Variants in ADGRB3 observed in about 807,000 individuals in gnomAD.
The protein encoded by ADGRB3 is brain-specific angiogenesis inhibitor 3.
ADGRB3 carries 37 observed loss-of-function variants against 193.4 expected under a neutral mutation model. The ratio of observed to expected loss-of-function variants is 0.19; its 90% CI spans 0.15 to 0.25. ADGRB3 has a LOEUF of 0.25. Ranked by LOEUF, ADGRB3 falls within the 10% of genes least tolerant of loss-of-function variation. ADGRB3 has a pLI of 1.00. For missense variants in ADGRB3, 1,637 were observed against 1,852.9 expected (o/e 0.88, Z 2.14); for synonymous variants, 690 against 644.2 (o/e 1.07, Z -1.08).
intron 17 of ADGRB3, among the ~76,000 whole-genome samples, chr6:69,101,057 G>A (rs567638895): frequency 4.9e-4 from 74 of 150,774 alleles, no homozygotes; most frequent in East Asian, 2.0e-3. Flanking sequence ...ATAGGGTAAC[G>A]CATTTCCTAA....
intron 3 of ADGRB3, among the ~76,000 whole-genome samples, chr6:68,818,085 A>G (rs1000121058): frequency 1.3e-5 from 2 of 152,032 alleles, no homozygotes; most frequent in African/African-American, 4.8e-5. Context: ...AGGTTCTTGT[A>G]GCTGGGACCA....
At chr6:68,645,769 T>A (rs1172116114) in intron 3 of ADGRB3, among the ~76,000 whole-genome samples, 1 of 151,680 alleles carries the variant, frequency 6.6e-6, no homozygotes, top group Non-Finnish European at 1.5e-5. Flanking sequence ...GCTTCCAGAG[T>A]TCAAGCGATT....
chr6:69,170,035 GT>G (rs1159833268), intron 17 of ADGRB3, among the ~76,000 whole-genome samples: 1 of 152,088 alleles, frequency 6.6e-6, no homozygotes, highest in Non-Finnish European at 1.5e-5. Flanking sequence ...GTAGTTCTAA[GT>G]ACAATTAATG....
chr6:69,354,277 C>T lies in ADGRB3; in HGVS notation c.3504C>T (p.Pro1168=), dbSNP rs766250190. Residue 1168 remains proline, a synonymous_variant, in exon 27 of 32, where the codon CCC becomes CCT. Coordinates refer to ENST00000370598, the MANE Select transcript of ADGRB3 (RefSeq NM_001704.3). ...GCCGATTGAGAAACTGTCAGGATCC[C>T]ATCAATGCAGATTCTTCGAGTTCGT... ...FRCRLRNCQD[P]INADSSSSFP... 31 of 1,613,994 alleles carry T rather than the reference C, an allele frequency of 1.9e-5. No homozygotes were observed. Among genetic ancestry groups the T allele is most frequent in the Non-Finnish European group, 2.5e-5 (30 of 1,179,940 alleles).
rs9446066 is a variant in ADGRB3 at position 68,906,991 on chromosome 6, G to A, written c.758-23568G>A. Among the ~76,000 whole-genome samples, 1,478 of 151,822 alleles carry A rather than the reference G, an allele frequency of 9.7e-3. 37 individuals carry two copies. The highest frequency in any genetic ancestry group is 0.034 in the African/African-American group (1,404 of 41,456). On this transcript the variant is annotated intron_variant, in intron 3 of 31. Coordinates refer to ENST00000370598, the MANE Select transcript of ADGRB3 (RefSeq NM_001704.3). ...CCTGCCACTTAACTGTGAGACATTA[G>A]GCAAGTTTATTCATCTTTCTAAACC...
intron 13 of ADGRB3, among the ~76,000 whole-genome samples, chr6:69,043,286 A>AAG (rs10632969): frequency 0.38 from 46,457 of 121,104 alleles, 11,850 homozygotes; most frequent in African/African-American, 0.43. Flanking sequence ...GAAAGGAAGA[A>AAG]AGAGAGAAAG....
intron 3 of ADGRB3, among the ~76,000 whole-genome samples, chr6:68,686,635 G>A (rs1764987564): frequency 6.6e-6 from 1 of 152,102 alleles, no homozygotes; most frequent in Non-Finnish European, 1.5e-5. Context: ...AGTCAAAATC[G>A]GGTAAGCTGA....
intron 3 of ADGRB3, among the ~76,000 whole-genome samples, chr6:68,728,498 A>G (rs760590619): frequency 6.6e-6 from 1 of 151,524 alleles, no homozygotes; most frequent in Non-Finnish European, 1.5e-5. Flanking sequence ...TTTAAAAACT[A>G]TTTTTAAAAA....
At chr6:69,187,445 A>G (rs1259860744) in intron 17 of ADGRB3, among the ~76,000 whole-genome samples, 2 of 152,162 alleles carry the variant, frequency 1.3e-5, no homozygotes, top group African/African-American at 2.4e-5. Flanking sequence ...CAGTACTACT[A>G]GACAATAATC....
At chr6:68,941,524 G>T (rs1435334398) in intron 5 of ADGRB3, among the ~76,000 whole-genome samples, 3 of 151,828 alleles carry the variant, frequency 2.0e-5, no homozygotes, top group African/African-American at 7.3e-5. Flanking sequence ...TGCCAATTTA[G>T]CATCTTCCTT....
chr6:69,239,857 G>T (rs1175853547), intron 20 of ADGRB3, among the ~76,000 whole-genome samples: 3 of 151,888 alleles, frequency 2.0e-5, no homozygotes, highest in Non-Finnish European at 2.9e-5. Flanking sequence ...AGAAATGATT[G>T]TCTTTACTAT....
intron 3 of ADGRB3, among the ~76,000 whole-genome samples, chr6:68,915,480 C>T (rs894591019): frequency 6.6e-6 from 1 of 152,136 alleles, no homozygotes; most frequent in African/African-American, 2.4e-5. Flanking sequence ...TAAAATACAA[C>T]AGGAACAATA....
intron 13 of ADGRB3, among the ~76,000 whole-genome samples, chr6:69,021,885 G>A (rs1770281572): frequency 6.6e-6 from 1 of 151,750 alleles, no homozygotes; most frequent in Non-Finnish European, 1.5e-5. Flanking sequence ...GTATATATGT[G>A]TGCATGTACA....
chr6:69,043,288 G>GAA (rs1771128103), intron 13 of ADGRB3, among the ~76,000 whole-genome samples: 5 of 134,378 alleles, frequency 3.7e-5, no homozygotes, highest in Non-Finnish European at 6.3e-5. Flanking sequence ...AAGGAAGAAA[G>GAA]AGAGAAAGAA....
At chr6:68,997,958 T>A (rs1016304384) in intron 11 of ADGRB3, among the ~76,000 whole-genome samples, 1 of 152,198 alleles carries the variant, frequency 6.6e-6, no homozygotes. Flanking sequence ...GTGAGAGATT[T>A]ATGTAAGTAT....
chr6:68,956,029 G>A lies in ADGRB3; in HGVS notation c.1201G>A (p.Gly401Arg). The A allele has an allele frequency of 6.2e-7, 1 of 1,613,040 alleles. No homozygotes were observed. The highest frequency in any genetic ancestry group is 1.1e-5 in the South Asian group (1 of 90,992). The change falls in exon 7 of 32, where the codon GGA becomes AGA. Residue 401 changes from glycine (G) to arginine (R), a missense_variant. Physicochemically the swap from Gly to Arg is moderately radical, Grantham distance 125. Transcript: ENST00000370598. ...PCNIALCPVDGQWQEWSSWSQ... is the reference protein window; with the variant it reads ...PCNIALCPVDRQWQEWSSWSQ... Reference sequence around the variant, plus strand: ...CTCTTTTTCTGCTTTGGTAGTTGATGGACAGTGGCAAGAGTGGAGTTCGTG... The same window carrying A: ...CTCTTTTTCTGCTTTGGTAGTTGATAGACAGTGGCAAGAGTGGAGTTCGTG...
chr6:69,193,884 A>G (rs1561948351), intron 17 of ADGRB3, among the ~76,000 whole-genome samples: 1 of 152,026 alleles, frequency 6.6e-6, no homozygotes, highest in Non-Finnish European at 1.5e-5. Flanking sequence ...TCTGGTAGAA[A>G]AAAACAAAAT....
At position 69,345,546 on chromosome 6, in the gene ADGRB3, A is replaced by G. The variant is rs543039547; in HGVS notation, c.3459+6042A>G. ...AGATGCAGAAAAGGCCTTCGATAAA[A>G]TTCAAAACCCCTTCATGCTAACAAT... On this transcript the variant is annotated intron_variant, in intron 26 of 31. Transcript: ENST00000370598. Among the ~76,000 whole-genome samples the G allele has an allele frequency of 6.6e-5, 10 of 152,336 alleles. No homozygotes were observed. The South Asian group carries it at 2.1e-3, about 32-fold the overall frequency.
intron 8 of ADGRB3, among the ~76,000 whole-genome samples, chr6:68,971,730 C>T (rs1034804151): frequency 2.0e-5 from 3 of 152,158 alleles, no homozygotes; most frequent in African/African-American, 7.2e-5. Context: ...ATATAACAAG[C>T]GAAGTGTGGG....
Sources: gnomAD v4.1 joint callset for allele counts (sites outside exome capture counted in the v4.1 genomes callset) on GRCh38, gnomAD v4.1.1 for gene constraint, MANE v1.5 for transcripts, NCBI Gene and HGNC (gene_info 2026-07-23, HGNC 2026-07-21) for gene names.